Variants in NLE1 observed in about 807,000 individuals in gnomAD.
NLE1 encodes the protein notchless homolog 1.
A neutral mutation model predicts 62.8 loss-of-function variants in NLE1; 37 were observed. That is an observed-to-expected ratio of 0.59 (90% CI 0.45 to 0.78). The LOEUF (loss-of-function observed/expected upper bound fraction) is 0.78. NLE1 is among the 30% of genes least tolerant of loss of function. The probability of loss-of-function intolerance (pLI) is 0.00; values close to 1 mark genes in which losing one functional copy is unlikely to be tolerated. For missense variants in NLE1, 555 were observed against 637.9 expected (o/e 0.87, Z 1.40); for synonymous variants, 243 against 253.0 (o/e 0.96, Z 0.37).
Position 35,130,087 on chromosome 17 carries a change from G to A in NLE1, c.*2350C>T, listed in dbSNP as rs1188412745. ...CTGAGTACAGACAGCCCTTTGGTTG[G>A]AAATATCCCATAATGAGGAGGTACA... is the stretch of plus-strand genomic sequence containing the variant. On this transcript the variant is annotated 3_prime_UTR_variant, in exon 13 of 13. Coordinates refer to ENST00000442241, the MANE Select transcript of NLE1 (RefSeq NM_018096.5). 2.1e-6 allele frequency: 3 copies of A among 1,423,280 alleles called. No individual in the cohort carries two copies. Among genetic ancestry groups the A allele is most frequent in the African/African-American group, 2.9e-5 (2 of 69,418 alleles). 88.2% of individuals were successfully genotyped at this position (1,423,280 alleles called of 1,614,324 possible).
Position 35,129,137 on chromosome 17 carries a change from ACTG to A in NLE1, c.*3297_*3299del. On this transcript the variant is annotated 3_prime_UTR_variant, in exon 13 of 13. Coordinates refer to ENST00000442241, the MANE Select transcript of NLE1 (RefSeq NM_018096.5). ...CTATCCAGTTCCTAACAGGCCATGG[ACTG>A]CTATCAGTTGGTGGCCCAAGGGTTG... 1 of 358,212 alleles carries A rather than the reference ACTG, an allele frequency of 2.8e-6. No individual in the cohort carries two copies. Among genetic ancestry groups the A allele is most frequent in the South Asian group, 3.9e-5 (1 of 25,516 alleles). 22.2% of individuals were successfully genotyped at this position (358,212 alleles called of 1,614,324 possible).
intron 10 of NLE1, 94 bp from the exon 11 acceptor site, chr17:35,133,592 C>T: frequency 8.4e-7 from 1 of 1,194,156 alleles, no homozygotes. Flanking sequence ...TGGTTCTCAA[C>T]CTCGGCTGTC....
At chr17:35,139,414 G>T in intron 3 of NLE1, 100 bp from the exon 4 acceptor site, 1 of 956,840 alleles carries the variant, frequency 1.0e-6, no homozygotes. Context: ...CTCTTTCCTC[G>T]CCCCTGGAAG....
At chr17:35,139,802 G>C in intron 3 of NLE1, 47 bp downstream of exon 3, 1 of 1,594,428 alleles carries the variant, frequency 6.3e-7, no homozygotes, top group Non-Finnish European at 8.5e-7. Flanking sequence ...ACCAGGCAAA[G>C]ACTGCACCCC....
At position 35,137,648 on chromosome 17, in the gene NLE1, A is replaced by G; in HGVS notation, c.538-8T>C. The G allele has an allele frequency of 6.2e-7, 1 of 1,605,918 alleles. No homozygotes were observed. The highest frequency in any genetic ancestry group is 8.5e-7 in the Non-Finnish European group (1 of 1,176,672). On this transcript the variant is annotated splice_region_variant and splice_polypyrimidine_tract_variant and intron_variant, in intron 5 of 12. Coordinates refer to ENST00000442241, the MANE Select transcript of NLE1 (RefSeq NM_018096.5). ...TGGGTCCCAGAGGAGAATCTGAAGG[A>G]CAGAAGCTCACTGAATAATCCTCCC...
At chr17:35,137,500 G>C (rs771622078) in intron 6 of NLE1, 43 bp downstream of exon 6, 1 of 1,489,068 alleles carries the variant, frequency 6.7e-7, no homozygotes, top group East Asian at 2.3e-5. Context: ...GGATGGCTTT[G>C]ATCCCCTGGC....
rs2091878277 is a variant in NLE1, at chr17:35,131,909, T to C, written c.*528A>G. ...TGGCCACTATCACAACTGGCCTCTCTCTTACCAACACGGGGGAAGAGAGGG... is the reference window on the plus strand; with the variant it reads ...TGGCCACTATCACAACTGGCCTCTCCCTTACCAACACGGGGGAAGAGAGGG... On this transcript the variant is annotated 3_prime_UTR_variant, in exon 13 of 13. Transcript: ENST00000442241. The C allele has an allele frequency of 6.6e-6, 1 of 152,312 alleles. No homozygotes were observed. The highest frequency in any genetic ancestry group is 1.5e-5 in the Non-Finnish European group (1 of 68,122). 9.4% of individuals were successfully genotyped at this position (152,312 alleles called of 1,614,324 possible).
In NLE1 at chr17:35,142,103, T is replaced by A. The variant is rs181807693; in HGVS notation, c.38A>T (p.Asp13Val). 2 of 1,612,002 alleles carry A rather than the reference T, an allele frequency of 1.2e-6. No individual in the cohort carries two copies. The highest frequency in any genetic ancestry group is 1.7e-6 in the Non-Finnish European group (2 of 1,179,688). The part of the protein sequence containing the change: ...AAVPDEAVAR[D>V]VQRLLVQFQD... ...GAACTGCACTAGCAACCGCTGCACA[T>A]CGCGCGCCACCGCCTCGTCCTGCGC... Residue 13 changes from aspartate (D) to valine (V), a missense_variant, in exon 2 of 13, where the codon GAT (aspartate) becomes GTT (valine). Asp to Val is a radical substitution (Grantham distance 152). Coordinates refer to ENST00000442241, the MANE Select transcript of NLE1 (RefSeq NM_018096.5).
At chr17:35,139,164 T>A in intron 4 of NLE1, 71 bp downstream of exon 4, 2 of 1,357,780 alleles carry the variant, frequency 1.5e-6, no homozygotes, top group South Asian at 2.4e-5. Context: ...CTGTACTCCA[T>A]CCTGGTCAAC....
At chr17:35,133,612 T>TA in intron 10 of NLE1, 114 bp from the exon 11 acceptor site, 1 of 970,334 alleles carries the variant, frequency 1.0e-6, no homozygotes. Context: ...CTGTTAGAAA[T>TA]ACCTGGGAAC....
intron 10 of NLE1, among the ~76,000 whole-genome samples, chr17:35,134,749 C>T (rs2091898383): frequency 6.6e-6 from 1 of 152,136 alleles, no homozygotes; most frequent in Non-Finnish European, 1.5e-5. Flanking sequence ...AACATACTGT[C>T]TCATTAAATC....
chr17:35,135,077 A>G (rs1001054646), intron 10 of NLE1, 172 bp downstream of exon 10: 11 of 713,980 alleles, frequency 1.5e-5, no homozygotes, highest in Non-Finnish European at 2.8e-5. Context: ...CAAACAAACA[A>G]ACAAACACCT....
rs745378174 is a variant in NLE1, at chr17:35,136,511, A to G, written c.829-14T>C. 8.1e-6 allele frequency: 13 copies of G among 1,605,034 alleles called. No homozygotes were observed. Among genetic ancestry groups the G allele is most frequent in the Non-Finnish European group, 1.1e-5 (13 of 1,173,424 alleles). On this transcript the variant is annotated splice_polypyrimidine_tract_variant and intron_variant, in intron 7 of 12. Transcript: ENST00000442241. Reference sequence around the variant, plus strand: ...GCACAGCACACCCTACGGGAGAGCGAGTCAGGTCAGACACACACACTCCTC... The same window carrying G: ...GCACAGCACACCCTACGGGAGAGCGGGTCAGGTCAGACACACACACTCCTC...
At chr17:35,139,598 A>G (rs959706965) in intron 3 of NLE1, among the ~76,000 whole-genome samples, 1 of 152,252 alleles carries the variant, frequency 6.6e-6, no homozygotes, top group Non-Finnish European at 1.5e-5. Flanking sequence ...TAAGTGATTT[A>G]TACAAGTCAC....
In NLE1 at chr17:35,133,165, A is replaced by G. The variant is rs765958002; in HGVS notation, c.1445+6T>C. 6.2e-7 allele frequency: 1 copy of G among 1,613,562 alleles called. No homozygotes were observed. The highest frequency in any genetic ancestry group is 1.1e-5 in the South Asian group (1 of 91,066). On this transcript the variant is annotated splice_donor_region_variant and intron_variant, in intron 12 of 12. Coordinates refer to ENST00000442241, the MANE Select transcript of NLE1 (RefSeq NM_018096.5). ...GTATGCCAACCACCACTTCCCCCAC[A>G]CTCACATCCGGAGGCATTTGTCCTT...
Position 35,136,360 on chromosome 17 carries a change from A to C in NLE1, c.964+2T>G. 1 of 1,612,878 alleles carries C rather than the reference A, an allele frequency of 6.2e-7. No homozygotes were observed. Among genetic ancestry groups the C allele is most frequent in the Non-Finnish European group, 8.5e-7 (1 of 1,178,944 alleles). ...CCGCTCTTCCTTCTCCCAATCACTCACAGGATCCTTGGAGGTCTTGGGGAT... is the reference window on the plus strand; with the variant it reads ...CCGCTCTTCCTTCTCCCAATCACTCCCAGGATCCTTGGAGGTCTTGGGGAT... On this transcript the variant is annotated splice_donor_variant, in intron 8 of 12. Coordinates refer to ENST00000442241, the MANE Select transcript of NLE1 (RefSeq NM_018096.5). LOFTEE classifies it high-confidence loss of function.
At chr17:35,133,068 T>G in intron 12 of NLE1, 103 bp downstream of exon 12, 1 of 1,153,042 alleles carries the variant, frequency 8.7e-7, no homozygotes, top group Non-Finnish European at 1.3e-6. Context: ...TCTGAGCACC[T>G]GGACGGCCCT....
intron 2 of NLE1, among the ~76,000 whole-genome samples, chr17:35,141,361 C>T (rs1360049431): frequency 1.3e-5 from 2 of 152,088 alleles, no homozygotes; most frequent in Non-Finnish European, 2.9e-5. Flanking sequence ...TCCTGGCCAA[C>T]GTGGTGAAAC....
In NLE1 at chr17:35,133,467, C is replaced by T; in HGVS notation, c.1246G>A (p.Ala416Thr). ...GCTGACCACGCAATCTGGTACACGG[C>T]AGCCACGTGGCCGCGTAGGGAAGCC... ...YLASLRGHVA[A>T]VYQIAWSADS... is the part of the protein sequence containing the mutation. The change falls in exon 11 of 13, where the codon GCC becomes ACC. Residue 416 changes from alanine (A) to threonine (T), a missense_variant. Transcript: ENST00000442241. The T allele has an allele frequency of 6.2e-7, 1 of 1,613,722 alleles. No individual in the cohort carries two copies. Among genetic ancestry groups the T allele is most frequent in the Non-Finnish European group, 8.5e-7 (1 of 1,179,906 alleles).
Sources: allele counts gnomAD v4.1 joint callset (sites outside exome capture counted in the v4.1 genomes callset), GRCh38; gene constraint gnomAD v4.1.1; transcripts MANE v1.5; gene names NCBI Gene and HGNC (gene_info 2026-07-23, HGNC 2026-07-21).